EPS15L1: variants seen among roughly 807,000 people sequenced by gnomAD.
EPS15L1 encodes the protein epidermal growth factor receptor pathway substrate 15 like 1.
In EPS15L1, 43 loss-of-function variants were observed where a neutral mutation model predicts 117.1. The observed-to-expected ratio is 0.37, with a 90% CI of 0.29 to 0.47. The LOEUF is 0.47. Among genes scored for constraint, EPS15L1 ranks in the 20% least tolerant of loss-of-function variants. EPS15L1 has a pLI of 0.99. For missense variants in EPS15L1, 981 were observed against 1,164.0 expected (o/e 0.84, Z 2.29); for synonymous variants, 459 against 470.5 (o/e 0.98, Z 0.32).
chr19:16,448,957 A>T (rs1368148161), intron 1 of EPS15L1, among the ~76,000 whole-genome samples: 1 of 152,096 alleles, frequency 6.6e-6, no homozygotes, highest in African/African-American at 2.4e-5. Context: ...ATTCAACAGC[A>T]TAAAAAAGAA....
chr19:16,362,308 C>A (rs1021982416), intron 22 of EPS15L1, among the ~76,000 whole-genome samples: 17 of 149,190 alleles, frequency 1.1e-4, no homozygotes, highest in Non-Finnish European at 2.5e-4. Flanking sequence ...AGCATGGCAA[C>A]ACATTTATTA....
chr19:16,418,751 T>C (rs2092785104), intron 10 of EPS15L1, among the ~76,000 whole-genome samples: 1 of 152,136 alleles, frequency 6.6e-6, no homozygotes, highest in African/African-American at 2.4e-5. Context: ...GTGGGATTAG[T>C]GCCCTTATAA....
At chr19:16,396,397 G>A (rs2092541128) in intron 16 of EPS15L1, among the ~76,000 whole-genome samples, 2 of 152,132 alleles carry the variant, frequency 1.3e-5, no homozygotes, top group African/African-American at 4.8e-5. Context: ...GAGTAGCCAG[G>A]ACTATAGGCG....
chr19:16,408,906 G>A (rs973719125), intron 13 of EPS15L1, among the ~76,000 whole-genome samples: 1 of 152,060 alleles, frequency 6.6e-6, no homozygotes, highest in African/African-American at 2.4e-5. Context: ...GCCATTCAAC[G>A]GGGGAAAGAA....
At chr19:16,393,863 G>A (rs1011712790) in intron 18 of EPS15L1, 88 bp downstream of exon 18, 26 of 1,288,468 alleles carry the variant, frequency 2.0e-5, no homozygotes, top group Middle Eastern at 1.9e-4. Flanking sequence ...CATCCCCGGT[G>A]TATGTGGACA....
chr19:16,378,985 T>A (rs2092329843), intron 21 of EPS15L1, among the ~76,000 whole-genome samples: 1 of 152,108 alleles, frequency 6.6e-6, no homozygotes, highest in Admixed American at 6.5e-5. Flanking sequence ...ACAAAAGGAA[T>A]GGGCAGAAAT....
intron 1 of EPS15L1, chr19:16,443,397 A>T (rs1331421106): frequency 1.3e-5 from 2 of 152,056 alleles, no homozygotes; most frequent in Non-Finnish European, 2.9e-5. Context: ...TGTGCTACAA[A>T]GGGTCATTTG....
intron 10 of EPS15L1, among the ~76,000 whole-genome samples, chr19:16,419,303 A>G (rs1012846448): frequency 2.0e-5 from 3 of 152,196 alleles, no homozygotes; most frequent in Non-Finnish European, 4.4e-5. Flanking sequence ...TACTAAAAAT[A>G]CAAAAATTAG....
At chr19:16,425,371 C>G (rs1373718448) in intron 8 of EPS15L1, 55 bp from the exon 9 acceptor site, 5 of 1,277,956 alleles carry the variant, frequency 3.9e-6, no homozygotes, top group Non-Finnish European at 5.6e-6. Context: ...CCGGGACCAT[C>G]AGGAGAAGGC....
Position 16,471,515 on chromosome 19 carries a change from C to T in EPS15L1, c.33+398G>A, listed in dbSNP as rs1295140538. On this transcript the variant is annotated intron_variant, in intron 1 of 23. Coordinates refer to ENST00000455140, the MANE Select transcript of EPS15L1 (RefSeq NM_001258374.3). The surrounding 1 kb of genome is among the most constrained non-coding windows in gnomAD (Gnocchi z 4.8). ...GGGCTCCGGCGGGACCCTGCCCGCCCGGGCGCCGGGACCGGAGGGAGACAA... is the reference window on the plus strand; with the variant it reads ...GGGCTCCGGCGGGACCCTGCCCGCCTGGGCGCCGGGACCGGAGGGAGACAA... Among the ~76,000 whole-genome samples, 2 of 152,180 alleles carry T rather than the reference C, an allele frequency of 1.3e-5. No individual in the cohort carries two copies. Among genetic ancestry groups the T allele is most frequent in the South Asian group, 2.1e-4 (1 of 4,834 alleles).
At chr19:16,464,948 G>T (rs542128723) in intron 1 of EPS15L1, among the ~76,000 whole-genome samples, 1 of 151,974 alleles carries the variant, frequency 6.6e-6, no homozygotes, top group Non-Finnish European at 1.5e-5. Context: ...GTGTGGTGGC[G>T]GGTGCCTGTA....
At chr19:16,373,499 T>A (rs999749248) in intron 22 of EPS15L1, among the ~76,000 whole-genome samples, 13 of 151,356 alleles carry the variant, frequency 8.6e-5, no homozygotes, top group Admixed American at 2.0e-4. Flanking sequence ...AAAAAAAAAA[T>A]TCACAGATTA....
At chr19:16,461,448 C>T (rs2093250494) in intron 1 of EPS15L1, among the ~76,000 whole-genome samples, 1 of 151,884 alleles carries the variant, frequency 6.6e-6, no homozygotes, top group African/African-American at 2.4e-5. Context: ...ATGGAGAAAC[C>T]CCATCTCTAC....
At chr19:16,374,545 G>T (rs1044702599) in intron 22 of EPS15L1, among the ~76,000 whole-genome samples, 4 of 152,114 alleles carry the variant, frequency 2.6e-5, no homozygotes, top group Non-Finnish European at 5.9e-5. Flanking sequence ...TACACTAACA[G>T]CAGAAGCCAA....
chr19:16,464,311 C>A (rs1315721854), intron 1 of EPS15L1, among the ~76,000 whole-genome samples: 1 of 152,212 alleles, frequency 6.6e-6, no homozygotes, highest in East Asian at 1.9e-4. Flanking sequence ...ATGGTCTGCA[C>A]TCCATGCAGG....
chr19:16,468,238 G>C (rs999875616), intron 1 of EPS15L1, among the ~76,000 whole-genome samples: 1 of 152,164 alleles, frequency 6.6e-6, no homozygotes, highest in African/African-American at 2.4e-5. Context: ...AGCAACCGGA[G>C]CAACACAGCT....
At chr19:16,426,677 C>T (rs112643671) in intron 8 of EPS15L1, among the ~76,000 whole-genome samples, 11 of 152,128 alleles carry the variant, frequency 7.2e-5, no homozygotes, top group East Asian at 5.8e-4. Flanking sequence ...AAAAAGTCCA[C>T]GTCAAGAGAC....
intron 21 of EPS15L1, among the ~76,000 whole-genome samples, chr19:16,384,433 ATTGTTGTTTT>A (rs2092397551): frequency 6.6e-6 from 1 of 151,950 alleles, no homozygotes; most frequent in Admixed American, 6.6e-5. Context: ...AGGGGCTTCT[ATTGTTGTTTT>A]TTGACTTGTC....
intron 1 of EPS15L1, among the ~76,000 whole-genome samples, chr19:16,452,103 C>T (rs1185505768): frequency 6.6e-6 from 1 of 151,544 alleles, no homozygotes; most frequent in African/African-American, 2.4e-5. Flanking sequence ...CACGCCACTG[C>T]ACTCCAGCCT....
Sources: allele counts gnomAD v4.1 joint callset (sites outside exome capture counted in the v4.1 genomes callset), GRCh38; gene constraint gnomAD v4.1.1; non-coding constraint Gnocchi (gnomAD v3.1); transcripts MANE v1.5; gene names NCBI Gene and HGNC (gene_info 2026-07-23, HGNC 2026-07-21).